Variants in CSMD1 observed in about 807,000 individuals in gnomAD.
CSMD1 encodes CUB and sushi domain-containing protein 1.
In CSMD1, 213 loss-of-function variants were observed where a neutral mutation model predicts 417.5. The observed-to-expected ratio is 0.51, with a 90% CI of 0.46 to 0.57. The LOEUF (loss-of-function observed/expected upper bound fraction) is 0.57, where lower values mean the gene tolerates loss of function less well. Ranked by LOEUF, CSMD1 falls within the 20% of genes least tolerant of loss-of-function variation. The pLI is 0.00. For missense variants in CSMD1, 6,923 were observed against 4,529.7 expected (o/e 1.53, Z -15.17); for synonymous variants, 2,862 against 1,736.8 (o/e 1.65, Z -16.11).
intron 3 of CSMD1, among the ~76,000 whole-genome samples, chr8:4,300,181 CT>C (rs1395366411): frequency 6.6e-6 from 1 of 152,156 alleles, no homozygotes; most frequent in Non-Finnish European, 1.5e-5. Context: ...AGACAATTTC[CT>C]TTTTGCCTAT....
At chr8:3,884,196 T>A (rs146924509) in intron 5 of CSMD1, among the ~76,000 whole-genome samples, 1 of 152,334 alleles carries the variant, frequency 6.6e-6, no homozygotes, top group East Asian at 1.9e-4. Flanking sequence ...ACTTTTTAAA[T>A]AGGTAAGTTT....
At chr8:4,316,385 G>A (rs1031390160) in intron 3 of CSMD1, among the ~76,000 whole-genome samples, 2 of 152,100 alleles carry the variant, frequency 1.3e-5, no homozygotes, top group African/African-American at 2.4e-5. Context: ...ACAGACCTCT[G>A]TTAATTCTTG....
At chr8:4,279,721 C>G (rs1027669784) in intron 3 of CSMD1, among the ~76,000 whole-genome samples, 2 of 152,084 alleles carry the variant, frequency 1.3e-5, no homozygotes, top group Admixed American at 1.3e-4. Flanking sequence ...TCATTCATTG[C>G]AATTTTCAAT....
At chr8:4,543,988 T>C (rs893166671) in intron 2 of CSMD1, among the ~76,000 whole-genome samples, 2 of 152,164 alleles carry the variant, frequency 1.3e-5, no homozygotes, top group African/African-American at 2.4e-5. Flanking sequence ...TTGTTTTCTA[T>C]TGAGTTTTAC....
At chr8:3,861,781 G>C (rs1285437467) in intron 5 of CSMD1, among the ~76,000 whole-genome samples, 2 of 152,162 alleles carry the variant, frequency 1.3e-5, no homozygotes, top group Non-Finnish European at 2.9e-5. Flanking sequence ...GGCCCACTGA[G>C]TATCCTGTCT....
At chr8:4,361,349 C>T (rs1361695428) in intron 3 of CSMD1, among the ~76,000 whole-genome samples, 1 of 151,762 alleles carries the variant, frequency 6.6e-6, no homozygotes, top group Non-Finnish European at 1.5e-5. Flanking sequence ...TATCTGCAGT[C>T]ATCTGTGATT....
chr8:3,077,951 C>G (rs937919583), intron 49 of CSMD1, among the ~76,000 whole-genome samples: 2 of 152,222 alleles, frequency 1.3e-5, no homozygotes, highest in Non-Finnish European at 2.9e-5. Flanking sequence ...AAGTTCTGGG[C>G]TGACTTTTTC....
intron 10 of CSMD1, among the ~76,000 whole-genome samples, chr8:3,540,691 A>C (rs924511129): frequency 6.6e-6 from 1 of 152,194 alleles, no homozygotes; most frequent in Non-Finnish European, 1.5e-5. Flanking sequence ...TACAAGAAAA[A>C]AAACAAACAA....
chr8:4,283,777 A>C (rs1292455040), intron 3 of CSMD1, among the ~76,000 whole-genome samples: 1 of 48,206 alleles, frequency 2.1e-5, no homozygotes, highest in African/African-American at 4.8e-5. Flanking sequence ...ACATGAACCA[A>C]AAGGAGAATA....
intron 1 of CSMD1, among the ~76,000 whole-genome samples, chr8:4,951,495 G>A (rs1479907766): frequency 6.7e-6 from 1 of 149,316 alleles, no homozygotes; most frequent in Non-Finnish European, 1.5e-5. Context: ...AACAGAACAG[G>A]GAAAGGGAAA....
chr8:4,486,204 C>CATAT (rs1200901429), intron 2 of CSMD1, among the ~76,000 whole-genome samples: 2 of 16,920 alleles, frequency 1.2e-4, no homozygotes, highest in South Asian at 2.0e-3. Flanking sequence ...TATATACATA[C>CATAT]ATATATATAT....
intron 1 of CSMD1, among the ~76,000 whole-genome samples, chr8:4,833,831 G>A (rs183749537): frequency 1.6e-4 from 25 of 152,302 alleles, no homozygotes; most frequent in Admixed American, 1.2e-3. Context: ...CCAATCAATT[G>A]CAAGTTGGCT....
intron 3 of CSMD1, among the ~76,000 whole-genome samples, chr8:4,124,508 G>A (rs549226441): frequency 5.3e-5 from 8 of 152,160 alleles, no homozygotes; most frequent in Non-Finnish European, 8.8e-5. Context: ...TGCCCCTTGA[G>A]TGTGTCTTCA....
At position 3,586,268 on chromosome 8, in the gene CSMD1, G is replaced by A. The variant is rs764230802; in HGVS notation, c.1098-8C>T. The A allele has an allele frequency of 1.6e-4, 231 of 1,426,168 alleles. No individual in the cohort carries two copies. Among genetic ancestry groups the A allele is most frequent in the Middle Eastern group, 5.5e-4 (3 of 5,406 alleles). The allele number at this position is 1,426,168 out of a possible 1,614,324, so 88.3% of individuals were successfully genotyped here. On this transcript the variant is annotated splice_polypyrimidine_tract_variant and splice_region_variant and intron_variant, in intron 8 of 69. Coordinates refer to ENST00000635120, the MANE Select transcript of CSMD1 (RefSeq NM_033225.6). ...TGTACATTTGCACCAACCCTAAGCC[G>A]TTAAAAAAGAAAAAAAAAAACCCAA... is the stretch of plus-strand genomic sequence containing the variant.
chr8:3,371,093 A>G (rs7825335), intron 18 of CSMD1, among the ~76,000 whole-genome samples: 81,204 of 152,010 alleles, frequency 0.53, 21,958 homozygotes, highest in African/African-American at 0.59. Flanking sequence ...CAGAACATAC[A>G]TCTTCAGCTC....
rs76596942 is a variant in CSMD1, at chr8:3,224,793, G to A, written c.4346-926C>T. On this transcript the variant is annotated intron_variant, in intron 27 of 69. Coordinates refer to ENST00000635120, the MANE Select transcript of CSMD1 (RefSeq NM_033225.6). ...TGTTCTTGAATTGGAAAGTATTTAG[G>A]ATTGTTTTATTTGTGAGATAAGGTT... Among the ~76,000 whole-genome samples, 66 of 152,300 alleles carry A rather than the reference G, an allele frequency of 4.3e-4. No homozygotes were observed. In the East Asian group the frequency reaches 0.012, roughly 27 times the overall value.
chr8:4,451,922 T>G (rs999078465), intron 2 of CSMD1, among the ~76,000 whole-genome samples: 1 of 149,834 alleles, frequency 6.7e-6, no homozygotes, highest in Non-Finnish European at 1.5e-5. Context: ...TGCCCAGAGA[T>G]GTAAAATTTA....
At chr8:4,097,130 G>A (rs575878488) in intron 3 of CSMD1, among the ~76,000 whole-genome samples, 1 of 152,242 alleles carries the variant, frequency 6.6e-6, no homozygotes, top group South Asian at 2.1e-4. Context: ...ACTCTGAGCT[G>A]CAACGAGCTG....
At chr8:4,351,000 C>G (rs772322482) in intron 3 of CSMD1, among the ~76,000 whole-genome samples, 5 of 152,092 alleles carry the variant, frequency 3.3e-5, no homozygotes, top group African/African-American at 7.2e-5. Context: ...TCTGCTTAAT[C>G]GAAATTAAAG....
Sources: gnomAD v4.1 joint callset for allele counts (sites outside exome capture counted in the v4.1 genomes callset) on GRCh38, gnomAD v4.1.1 for gene constraint, MANE v1.5 for transcripts, NCBI Gene and HGNC (gene_info 2026-07-23, HGNC 2026-07-21) for gene names.